The following RBM47 variants were observed in gnomAD, a reference collection of about 807,000 sequenced individuals.
RBM47 encodes RNA-binding protein 47.
A neutral mutation model predicts 47.1 loss-of-function variants in RBM47; 21 were observed. The observed-to-expected ratio is 0.45, with a 90% CI of 0.32 to 0.64. The LOEUF is 0.64. RBM47 is among the 30% of genes least tolerant of loss of function. The probability of loss-of-function intolerance (pLI) is 0.05; values close to 1 mark genes in which losing one functional copy is unlikely to be tolerated. For synonymous variants in RBM47, 375 were observed against 361.7 expected (o/e 1.04, Z -0.42); for missense variants, 708 against 870.9 (o/e 0.81, Z 2.35).
chr4:40,431,518 C>T (rs550901556), intron 6 of RBM47, among the ~76,000 whole-genome samples: 36 of 152,160 alleles, frequency 2.4e-4, no homozygotes, highest in Admixed American at 3.3e-4. Flanking sequence ...ATTAGCCGGG[C>T]ATGGTGGCGT....
At chr4:40,470,400 C>T (rs564795611) in intron 2 of RBM47, among the ~76,000 whole-genome samples, 2 of 152,230 alleles carry the variant, frequency 1.3e-5, no homozygotes, top group East Asian at 3.9e-4. Context: ...CTCATGACTC[C>T]GTCTTCAACA....
At chr4:40,541,240 T>C (rs768297893) in intron 2 of RBM47, among the ~76,000 whole-genome samples, 20 of 144,518 alleles carry the variant, frequency 1.4e-4, no homozygotes, top group Admixed American at 1.1e-3. Flanking sequence ...CATTCCAGCC[T>C]AGGTGACCGA....
At chr4:40,545,365 T>A (rs1191551199) in intron 1 of RBM47, among the ~76,000 whole-genome samples, 1 of 145,860 alleles carries the variant, frequency 6.9e-6, no homozygotes, top group Non-Finnish European at 1.5e-5. Flanking sequence ...ATCCTGTCTT[T>A]AAAAGAGAGA....
At chr4:40,492,476 G>A (rs189162119) in intron 2 of RBM47, among the ~76,000 whole-genome samples, 16 of 152,298 alleles carry the variant, frequency 1.1e-4, no homozygotes, top group Non-Finnish European at 2.2e-4. Flanking sequence ...ACATTTCAAA[G>A]GCTCCCATGA....
chr4:40,505,870 G>A (rs1724032276), intron 2 of RBM47, among the ~76,000 whole-genome samples: 1 of 150,680 alleles, frequency 6.6e-6, no homozygotes, highest in Admixed American at 6.7e-5. Flanking sequence ...CTGGGTGACA[G>A]AGCGAGAGTC....
At chr4:40,445,897 A>C (rs7693621) in intron 3 of RBM47, among the ~76,000 whole-genome samples, 90,030 of 151,990 alleles carry the variant, frequency 0.59, 27,572 homozygotes, top group South Asian at 0.77. Context: ...ATCTGTGAGC[A>C]AATCAAAATA....
chr4:40,572,348 C>A (rs1442410485), intron 1 of RBM47, among the ~76,000 whole-genome samples: 1 of 148,284 alleles, frequency 6.7e-6, no homozygotes, highest in East Asian at 2.0e-4. Flanking sequence ...GCCTGGGTGA[C>A]AGAGCGAGAC....
chr4:40,620,969 GTGA>G (rs1437566960), intron 1 of RBM47, among the ~76,000 whole-genome samples: 4 of 151,542 alleles, frequency 2.6e-5, no homozygotes, highest in Non-Finnish European at 5.9e-5. Flanking sequence ...TCAACAAATT[GTGA>G]TGATGTCTTC....
chr4:40,569,769 GCC>G (rs954076882), intron 1 of RBM47, among the ~76,000 whole-genome samples: 1 of 148,902 alleles, frequency 6.7e-6, no homozygotes, highest in Non-Finnish European at 1.5e-5. Context: ...GGAGTGCAGT[GCC>G]GCAATCTCGG....
intron 2 of RBM47, among the ~76,000 whole-genome samples, chr4:40,501,376 T>G (rs1451731033): frequency 6.6e-6 from 1 of 152,226 alleles, no homozygotes; most frequent in Non-Finnish European, 1.5e-5. Context: ...TGCTCACAGT[T>G]CTAACCTCAG....
intron 1 of RBM47, among the ~76,000 whole-genome samples, chr4:40,596,147 G>A (rs1235581881): frequency 6.6e-6 from 1 of 152,312 alleles, no homozygotes; most frequent in Middle Eastern, 3.4e-3. Context: ...GACTATCCTT[G>A]GAGCTGTTCT....
chr4:40,582,955 A>G (rs891926931), intron 1 of RBM47, among the ~76,000 whole-genome samples: 6 of 152,236 alleles, frequency 3.9e-5, no homozygotes, highest in Admixed American at 1.3e-4. Flanking sequence ...CTGCTAGTGA[A>G]TAAGCACCTC....
At chr4:40,577,585 C>T (rs913352116) in intron 1 of RBM47, among the ~76,000 whole-genome samples, 2 of 151,456 alleles carry the variant, frequency 1.3e-5, no homozygotes, top group African/African-American at 2.4e-5. Context: ...ATTCCCTGTT[C>T]CAATTTTTTT....
intron 1 of RBM47, among the ~76,000 whole-genome samples, chr4:40,597,285 C>G (rs1213268920): frequency 6.8e-6 from 1 of 146,822 alleles, no homozygotes; most frequent in African/African-American, 2.5e-5. Context: ...TTTAGTTTAT[C>G]AAAATACTTC....
chr4:40,605,954 T>C (rs1735719689), intron 1 of RBM47, among the ~76,000 whole-genome samples: 1 of 151,682 alleles, frequency 6.6e-6, no homozygotes, highest in Non-Finnish European at 1.5e-5. Context: ...ACCCAGCACT[T>C]TGGGAGGCTG....
intron 1 of RBM47, among the ~76,000 whole-genome samples, chr4:40,591,540 C>G (rs1440066975): frequency 6.6e-6 from 1 of 151,842 alleles, no homozygotes; most frequent in African/African-American, 2.4e-5. Flanking sequence ...ACTAAAAATA[C>G]AAAATTAGCT....
chr4:40,453,484 C>T (rs1285689362), intron 3 of RBM47, among the ~76,000 whole-genome samples: 2 of 152,212 alleles, frequency 1.3e-5, no homozygotes, highest in African/African-American at 2.4e-5. Flanking sequence ...TCTACTTATC[C>T]TCTTACACTT....
intron 1 of RBM47, among the ~76,000 whole-genome samples, chr4:40,600,413 T>A (rs1178014968): frequency 6.6e-6 from 1 of 150,424 alleles, no homozygotes; most frequent in African/African-American, 2.5e-5. Context: ...GGCGGGCGGA[T>A]CACGAGGTCA....
chr4:40,565,110 A>T (rs1730975780), intron 1 of RBM47, among the ~76,000 whole-genome samples: 1 of 152,226 alleles, frequency 6.6e-6, no homozygotes, highest in African/African-American at 2.4e-5. Context: ...AACCTTCTTC[A>T]TTCTGTACTT....
Sources: gnomAD v4.1 joint callset for allele counts (sites outside exome capture counted in the v4.1 genomes callset) on GRCh38, gnomAD v4.1.1 for gene constraint, MANE v1.5 for transcripts, NCBI Gene and HGNC (gene_info 2026-07-23, HGNC 2026-07-21) for gene names.